TECRL: variants seen among roughly 807,000 people sequenced by gnomAD.
TECRL encodes trans-2,3-enoyl-CoA reductase like, also known as trans-2,3-enoyl-CoA reductase-like.
TECRL carries 63 observed loss-of-function variants against 52.8 expected under a neutral mutation model. That is an observed-to-expected ratio of 1.19 (90% confidence interval 0.97 to 1.47). TECRL has a LOEUF of 1.47. TECRL is among the 40% of genes most tolerant of loss of function. The pLI, the probability that TECRL is intolerant of heterozygous loss-of-function variation, is 0.00. For synonymous variants in TECRL, 164 were observed against 141.9 expected, an observed-to-expected ratio of 1.16 and a Z score of -1.10; for missense variants, 482 against 429.6, an observed-to-expected ratio of 1.12 and a Z score of -1.08.
intron 1 of TECRL, among the ~76,000 whole-genome samples, chr4:64,376,764 A>G (rs1419824070): frequency 6.6e-6 from 1 of 152,010 alleles, no homozygotes; most frequent in Non-Finnish European, 1.5e-5. Context: ...TTCCTCTCAC[A>G]CTTTATGAGG....
chr4:64,394,123 G>A (rs1047756433), intron 1 of TECRL, among the ~76,000 whole-genome samples: 2 of 152,088 alleles, frequency 1.3e-5, no homozygotes, highest in Non-Finnish European at 2.9e-5. Context: ...CTCATCTGAT[G>A]TTAAAAATAT....
chr4:64,296,228 A>G (rs1723673886), intron 8 of TECRL, among the ~76,000 whole-genome samples: 2 of 151,804 alleles, frequency 1.3e-5, no homozygotes, highest in African/African-American at 4.8e-5. Flanking sequence ...TCTGTGGTTT[A>G]TATAGTAGGG....
At chr4:64,317,314 G>C (rs909826862) in intron 4 of TECRL, among the ~76,000 whole-genome samples, 1 of 151,770 alleles carries the variant, frequency 6.6e-6, no homozygotes, top group Non-Finnish European at 1.5e-5. Context: ...GTAATAATCT[G>C]CTTAAAAAAT....
intron 2 of TECRL, among the ~76,000 whole-genome samples, chr4:64,357,427 C>G (rs1239728010): frequency 6.6e-6 from 1 of 151,370 alleles, no homozygotes; most frequent in Non-Finnish European, 1.5e-5. Flanking sequence ...ATTTAATTAT[C>G]AGGTAAAAAA....
At chr4:64,292,972 G>A (rs775796502) in intron 8 of TECRL, among the ~76,000 whole-genome samples, 5 of 152,042 alleles carry the variant, frequency 3.3e-5, no homozygotes, top group Non-Finnish European at 4.4e-5. Context: ...ATTTTTATGC[G>A]CAGGCGTGGC....
intron 2 of TECRL, among the ~76,000 whole-genome samples, chr4:64,361,590 A>C (rs2109616797): frequency 6.6e-6 from 1 of 152,254 alleles, no homozygotes; most frequent in Non-Finnish European, 1.5e-5. Flanking sequence ...CATGCAGCCC[A>C]GGAGTGCTGA....
At chr4:64,404,196 T>G (rs955438328) in intron 1 of TECRL, among the ~76,000 whole-genome samples, 1 of 141,616 alleles carries the variant, frequency 7.1e-6, no homozygotes, top group Non-Finnish European at 1.5e-5. Flanking sequence ...TAAGAAATAT[T>G]TAAAAAGCTT....
Position 64,294,602 on chromosome 4 carries a change from C to CA in TECRL, c.775-4836dup, listed in dbSNP as rs1048983803. Among the ~76,000 whole-genome samples the CA allele has an allele frequency of 2.7e-4, 40 of 149,648 alleles. No homozygotes were observed. In the East Asian group the frequency reaches 4.3e-3, roughly 16 times the overall value. Reference sequence around the variant, plus strand: ...TCTAATAAACACTTGCTTTCACGGACAAAAAAAAAGTGTCTGATGAATCTT... The same window carrying CA: ...TCTAATAAACACTTGCTTTCACGGACAAAAAAAAAAGTGTCTGATGAATCTT... On this transcript the variant is annotated intron_variant, in intron 8 of 11. Coordinates refer to ENST00000381210, the MANE Select transcript of TECRL (RefSeq NM_001010874.5).
chr4:64,293,667 A>AT (rs33938855), intron 8 of TECRL, among the ~76,000 whole-genome samples: 92,855 of 151,402 alleles, frequency 0.61, 31,830 homozygotes, highest in Non-Finnish European at 0.76. Context: ...AATATTGTTA[A>AT]TTTTTTACAG....
At chr4:64,369,523 T>C (rs944870103) in intron 2 of TECRL, among the ~76,000 whole-genome samples, 1 of 152,062 alleles carries the variant, frequency 6.6e-6, no homozygotes, top group Non-Finnish European at 1.5e-5. Flanking sequence ...AATAACTGGG[T>C]ACTACGGGGA....
intron 2 of TECRL, among the ~76,000 whole-genome samples, chr4:64,332,229 A>ATGC (rs1322153322): frequency 6.6e-6 from 1 of 152,158 alleles, no homozygotes; most frequent in Admixed American, 6.5e-5. Flanking sequence ...ATCAAACTTT[A>ATGC]TGCACAAAGA....
chr4:64,340,872 C>T (rs1265719784), intron 2 of TECRL, among the ~76,000 whole-genome samples: 1 of 152,158 alleles, frequency 6.6e-6, no homozygotes, highest in South Asian at 2.1e-4. Flanking sequence ...CCATCTGAAG[C>T]CCATAAAGGC....
chr4:64,322,270 GC>G (rs1717951612), intron 4 of TECRL, among the ~76,000 whole-genome samples: 1 of 151,744 alleles, frequency 6.6e-6, no homozygotes, highest in Non-Finnish European at 1.5e-5. Context: ...AGTCAGTCAG[GC>G]AGATGGATGT....
At chr4:64,327,757 A>G (rs1171110192) in intron 3 of TECRL, among the ~76,000 whole-genome samples, 1 of 152,036 alleles carries the variant, frequency 6.6e-6, no homozygotes, top group Non-Finnish European at 1.5e-5. Context: ...TTTGTCTTTA[A>G]GTGCATGTAA....
intron 1 of TECRL, among the ~76,000 whole-genome samples, chr4:64,404,895 T>C (rs942590157): frequency 2.6e-5 from 4 of 152,110 alleles, no homozygotes; most frequent in Non-Finnish European, 4.4e-5. Flanking sequence ...TGAACATGAA[T>C]GCTGTGTCAA....
chr4:64,281,744 C>A (rs894349234), intron 9 of TECRL, among the ~76,000 whole-genome samples, 185 bp from the exon 10 acceptor site: 3 of 151,838 alleles, frequency 2.0e-5, no homozygotes, highest in Admixed American at 2.0e-4. Context: ...AACCTTTTGA[C>A]TCAAATAAAA....
intron 1 of TECRL, among the ~76,000 whole-genome samples, chr4:64,403,432 G>C (rs1724492743): frequency 6.7e-6 from 1 of 150,288 alleles, no homozygotes; most frequent in South Asian, 2.1e-4. Context: ...AAGCAAGCTA[G>C]CAAGCAAGCA....
intron 2 of TECRL, among the ~76,000 whole-genome samples, chr4:64,339,978 G>A (rs1257776638): frequency 6.6e-6 from 1 of 152,062 alleles, no homozygotes; most frequent in Non-Finnish European, 1.5e-5. Context: ...CTTCTCTCTT[G>A]GTCTCACTAT....
At chr4:64,353,803 A>T (rs1014929900) in intron 2 of TECRL, among the ~76,000 whole-genome samples, 1 of 19,956 alleles carries the variant, frequency 5.0e-5, no homozygotes, top group Non-Finnish European at 2.5e-4. Context: ...ACCAGAAATA[A>T]AAAAAAGTAG....
Sources: allele counts gnomAD v4.1 joint callset (sites outside exome capture counted in the v4.1 genomes callset), GRCh38; gene constraint gnomAD v4.1.1; transcripts MANE v1.5; gene names NCBI Gene and HGNC (gene_info 2026-07-23, HGNC 2026-07-21).